Variants in NPLOC4 observed in about 807,000 individuals in gnomAD.
NPLOC4 encodes nuclear protein localization protein 4 homolog.
In NPLOC4, 18 loss-of-function variants were observed where a neutral mutation model predicts 80.6. The observed-to-expected ratio is 0.22, with a 90% confidence interval of 0.15 to 0.33. The LOEUF (loss-of-function observed/expected upper bound fraction) is 0.33. NPLOC4 is among the 10% of genes least tolerant of loss of function. The pLI, the probability that NPLOC4 is intolerant of heterozygous loss-of-function variation, is 1.00. For missense variants in NPLOC4, 540 were observed against 786.1 expected (o/e 0.69, Z 3.74); for synonymous variants, 313 against 301.5 (o/e 1.04, Z -0.39).
At chr17:81,618,174 G>A (rs1417954695) in intron 3 of NPLOC4, among the ~76,000 whole-genome samples, 3 of 151,440 alleles carry the variant, frequency 2.0e-5, no homozygotes, top group Admixed American at 6.6e-5. Context: ...AAAGTGAGGA[G>A]CGTCTCTGCC....
At chr17:81,619,303 G>A (rs2035598593) in intron 3 of NPLOC4, among the ~76,000 whole-genome samples, 2 of 152,152 alleles carry the variant, frequency 1.3e-5, no homozygotes, top group African/African-American at 4.8e-5. Flanking sequence ...CATGAACCCG[G>A]GAGGTGGAGC....
chr17:81,568,540 G>A (rs534157980), intron 14 of NPLOC4, among the ~76,000 whole-genome samples: 48 of 152,338 alleles, frequency 3.2e-4, no homozygotes, highest in African/African-American at 1.1e-3. Flanking sequence ...GTATGCAGGC[G>A]TGACAGCAAA....
At chr17:81,617,385 AAG>A (rs977375140) in intron 3 of NPLOC4, among the ~76,000 whole-genome samples, 2 of 152,172 alleles carry the variant, frequency 1.3e-5, no homozygotes, top group African/African-American at 4.8e-5. Context: ...TAAAGAAAAA[AAG>A]AGGGTGCCAG....
At position 81,622,209 on chromosome 17, in the gene NPLOC4, T is replaced by C. The variant is rs2035688621; in HGVS notation, c.166A>G (p.Ile56Val). Residue 56 changes from isoleucine (I) to valine (V), a missense_variant, in exon 3 of 17, where the codon ATA (isoleucine) becomes GTA (valine). By Grantham distance (29) the Ile-to-Val change is conservative (BLOSUM62 3). This residue lies in a region of NPLOC4 where 62 missense variants were observed against 84.4 expected (regional missense o/e 0.73). Coordinates refer to ENST00000331134, the MANE Select transcript of NPLOC4 (RefSeq NM_017921.4). ...VYINRNKTGE[I>V]TASSNKSLNL... ...AGGGATTTGTTGGAGGAGGCTGTTA[T>C]CTCTCCGGTCTTGTTTCTATTGATG... The C allele has an allele frequency of 1.2e-6, 2 of 1,613,818 alleles. No homozygotes were observed. The highest frequency in any genetic ancestry group is 1.7e-6 in the Non-Finnish European group (2 of 1,179,736).
intron 12 of NPLOC4, among the ~76,000 whole-genome samples, chr17:81,575,151 G>C (rs1336030410): frequency 1.3e-5 from 2 of 152,172 alleles, no homozygotes; most frequent in African/African-American, 4.8e-5. Flanking sequence ...CCAGGCTGGA[G>C]TGCAGTGGCG....
intron 1 of NPLOC4, among the ~76,000 whole-genome samples, chr17:81,630,830 T>G (rs957114635): frequency 2.0e-5 from 3 of 151,996 alleles, no homozygotes; most frequent in Non-Finnish European, 4.4e-5. Flanking sequence ...TGAGCCAAGA[T>G]GGTGCCACTG....
intron 9 of NPLOC4, 31 bp downstream of exon 9, chr17:81,600,309 GC>G (rs2144195807): frequency 1.3e-6 from 2 of 1,544,000 alleles, no homozygotes; most frequent in Admixed American, 1.8e-5. Flanking sequence ...GCCTGGCCAC[GC>G]CCCCTGCTTG....
intron 1 of NPLOC4, among the ~76,000 whole-genome samples, chr17:81,631,466 C>T (rs199549512): frequency 0.046 from 4,799 of 103,304 alleles, 214 homozygotes; most frequent in East Asian, 0.21. Flanking sequence ...TTTTTTTCCC[C>T]CACGGCAAGC....
chr17:81,611,668 G>C (rs1738341462), intron 4 of NPLOC4, among the ~76,000 whole-genome samples: 1 of 151,606 alleles, frequency 6.6e-6, no homozygotes, highest in African/African-American at 2.4e-5. Context: ...TTAAAGAAAA[G>C]TGTTAAATAG....
At chr17:81,629,622 G>A in intron 2 of NPLOC4, 103 bp downstream of exon 2, 2 of 892,994 alleles carry the variant, frequency 2.2e-6, no homozygotes, top group South Asian at 2.9e-5. Context: ...GGCAATTTGG[G>A]AATAGGGAAA....
intron 11 of NPLOC4, among the ~76,000 whole-genome samples, chr17:81,594,136 A>G (rs1009645370): frequency 1.3e-5 from 2 of 151,818 alleles, no homozygotes; most frequent in East Asian, 1.9e-4. Context: ...TTAGCCGGGC[A>G]TGGTAGCGGG....
intron 16 of NPLOC4, among the ~76,000 whole-genome samples, chr17:81,559,641 C>T (rs1256478519): frequency 1.3e-5 from 2 of 151,802 alleles, no homozygotes; most frequent in African/African-American, 4.8e-5. Flanking sequence ...GGAGCCTGTG[C>T]TTGCTGGTTC....
intron 8 of NPLOC4, among the ~76,000 whole-genome samples, chr17:81,602,076 G>A (rs866947147): frequency 1.3e-4 from 20 of 152,238 alleles, no homozygotes; most frequent in Middle Eastern, 3.4e-3. Context: ...GTGCGTGCAT[G>A]CATGCGTGTG....
At chr17:81,629,367 T>A (rs577399219) in intron 2 of NPLOC4, among the ~76,000 whole-genome samples, 3 of 152,172 alleles carry the variant, frequency 2.0e-5, no homozygotes, top group Admixed American at 1.3e-4. Context: ...AATTTTTGTA[T>A]TTTTAGTAGA....
intron 16 of NPLOC4, chr17:81,563,704 C>A: frequency 3.3e-6 from 1 of 303,956 alleles, no homozygotes; most frequent in Non-Finnish European, 6.5e-6. Context: ...ATGCTTGAGG[C>A]CAAAGTTTGA....
intron 4 of NPLOC4, among the ~76,000 whole-genome samples, chr17:81,611,641 C>A (rs1364873680): frequency 6.6e-6 from 1 of 151,764 alleles, no homozygotes; most frequent in Non-Finnish European, 1.5e-5. Flanking sequence ...TGAGCAACTG[C>A]GCCTGGCCAA....
intron 10 of NPLOC4, among the ~76,000 whole-genome samples, chr17:81,596,448 A>G (rs1256968450): frequency 1.3e-5 from 2 of 152,188 alleles, no homozygotes; most frequent in Admixed American, 6.5e-5. Context: ...TCTCTACTAA[A>G]AATAAAAAAA....
At chr17:81,579,518 C>T (rs1465676129) in intron 12 of NPLOC4, among the ~76,000 whole-genome samples, 1 of 152,058 alleles carries the variant, frequency 6.6e-6, no homozygotes, top group Non-Finnish European at 1.5e-5. Context: ...CTCCAGCCTC[C>T]CCCTTCAGCT....
In NPLOC4 at chr17:81,558,965, G is replaced by C. The variant is rs114604810; in HGVS notation, c.*294C>G. 1,602 of 316,960 alleles carry C rather than the reference G, an allele frequency of 5.1e-3. 21 individuals carry two copies. Among genetic ancestry groups the C allele is most frequent in the African/African-American group, 0.032 (1,495 of 46,638 alleles). 19.6% of individuals were successfully genotyped at this position (316,960 alleles called of 1,614,324 possible). A position where few individuals can be genotyped will look rare whatever the true frequency, so the allele number is the denominator to read the frequency against. ...CCAATTCCAGGTGCCACGTAGAGGC[G>C]AGAGGTCTTTCCAACACGGCGGGGG... On this transcript the variant is annotated 3_prime_UTR_variant, in exon 17 of 17. Transcript: ENST00000331134.
Sources: allele counts gnomAD v4.1 joint callset (sites outside exome capture counted in the v4.1 genomes callset), GRCh38; gene constraint gnomAD v4.1.1; regional missense constraint gnomAD v4.1.1; transcripts MANE v1.5; gene names NCBI Gene and HGNC (gene_info 2026-07-23, HGNC 2026-07-21).